SOX6: variants seen among roughly 807,000 people sequenced by gnomAD.
The protein encoded by SOX6 is SRY-box transcription factor 6.
A neutral mutation model predicts 97.8 loss-of-function variants in SOX6; 11 were observed. That is an observed-to-expected ratio of 0.11 (90% CI 0.07 to 0.19). The LOEUF (loss-of-function observed/expected upper bound fraction) is 0.19. Ranked by LOEUF, SOX6 falls within the 10% of genes least tolerant of loss-of-function variation. The pLI is 1.00. For missense variants in SOX6, 810 were observed against 1,039.5 expected, an observed-to-expected ratio of 0.78 and a Z score of 3.04; for synonymous variants, 360 against 371.4, an observed-to-expected ratio of 0.97 and a Z score of 0.35.
chr11:16,076,524 AG>A (rs1848356539), intron 9 of SOX6, among the ~76,000 whole-genome samples: 1 of 152,098 alleles, frequency 6.6e-6, no homozygotes, highest in Non-Finnish European at 1.5e-5. Flanking sequence ...CATCTGTATT[AG>A]TCCGTTCTCC....
intron 4 of SOX6, among the ~76,000 whole-genome samples, chr11:16,194,223 T>C (rs989402279): frequency 1.3e-5 from 2 of 152,160 alleles, no homozygotes; most frequent in African/African-American, 4.8e-5. Context: ...CCCTAGTGCA[T>C]CATAAAGATA....
At chr11:16,064,523 T>TATATATATATGAAGCC (rs1848044130) in intron 9 of SOX6, among the ~76,000 whole-genome samples, 1 of 136,560 alleles carries the variant, frequency 7.3e-6, no homozygotes, top group Admixed American at 6.9e-5. Context: ...GCCATACATA[T>TATATATATATGAAGCC]ATATATATAT....
intron 10 of SOX6, among the ~76,000 whole-genome samples, chr11:16,052,631 C>G (rs984990469): frequency 1.3e-5 from 2 of 152,020 alleles, no homozygotes; most frequent in Non-Finnish European, 2.9e-5. Context: ...GCTTTGCAAG[C>G]CTGATATTTA....
upstream of SOX6, among the ~76,000 whole-genome samples, chr11:16,478,299 T>C (rs140562230): frequency 9.0e-3 from 1,378 of 152,340 alleles, 21 homozygotes; most frequent in African/African-American, 0.032. Context: ...TACATCCTAT[T>C]CCTTCACTTC....
At chr11:16,594,319 C>T (rs767335821) in intron 4 of SOX6, among the ~76,000 whole-genome samples, 3 of 152,138 alleles carry the variant, frequency 2.0e-5, no homozygotes, top group Non-Finnish European at 4.4e-5. Flanking sequence ...TGTAAAATTA[C>T]ACAAACCTAT....
At chr11:16,269,036 C>T (rs1015053756) in intron 3 of SOX6, among the ~76,000 whole-genome samples, 1 of 143,048 alleles carries the variant, frequency 7.0e-6, no homozygotes, top group Non-Finnish European at 1.6e-5. Context: ...CAATATATTG[C>T]TTTTTTTTTT....
intron 6 of SOX6, among the ~76,000 whole-genome samples, chr11:16,132,401 A>AAAAAGAAAGAAAG (rs1849807867): frequency 2.3e-5 from 1 of 43,836 alleles, no homozygotes; most frequent in African/African-American, 1.1e-4. Flanking sequence ...AAAGAAAGAA[A>AAAAAGAAAGAAAG]AAAGAAAGAA....
chr11:16,602,086 G>A (rs1167682538), intron 4 of SOX6, among the ~76,000 whole-genome samples: 1 of 152,052 alleles, frequency 6.6e-6, no homozygotes, highest in Non-Finnish European at 1.5e-5. Flanking sequence ...TTTATATCAT[G>A]CTCCATAATA....
At chr11:16,311,426 A>G (rs1481094105) in intron 3 of SOX6, 1 of 152,180 alleles carries the variant, frequency 6.6e-6, no homozygotes, top group Non-Finnish European at 1.5e-5. Context: ...AAGCACAAAG[A>G]GATTAATTTG....
intron 3 of SOX6, among the ~76,000 whole-genome samples, chr11:16,620,123 T>C (rs770232719): frequency 6.6e-6 from 1 of 152,190 alleles, no homozygotes; most frequent in Non-Finnish European, 1.5e-5. Flanking sequence ...ACCAGTAGAC[T>C]TCTATTATCC....
chr11:16,696,288 C>T (rs2134038834), intron 3 of SOX6, among the ~76,000 whole-genome samples: 1 of 152,298 alleles, frequency 6.6e-6, no homozygotes, highest in Admixed American at 6.5e-5. Context: ...CTAATTAAGT[C>T]ATTAGATATA....
intron 1 of SOX6, among the ~76,000 whole-genome samples, chr11:16,451,696 C>T (rs187925544): frequency 5.3e-4 from 80 of 152,228 alleles, no homozygotes; most frequent in Non-Finnish European, 9.0e-4. Flanking sequence ...AGCAGTCCAT[C>T]ATTCTGGGTA....
chr11:16,598,187 A>G (rs1282953412), intron 4 of SOX6, among the ~76,000 whole-genome samples: 1 of 152,044 alleles, frequency 6.6e-6, no homozygotes, highest in Non-Finnish European at 1.5e-5. Context: ...ACCCTATGAT[A>G]TAGGTATTAT....
chr11:16,011,555 C>A (rs148990337), intron 13 of SOX6, among the ~76,000 whole-genome samples: 1 of 152,084 alleles, frequency 6.6e-6, no homozygotes, highest in Admixed American at 6.6e-5. Context: ...TCCACAGCTG[C>A]CTCTTTTGGT....
chr11:16,071,786 A>G (rs1163642682), intron 9 of SOX6, among the ~76,000 whole-genome samples: 1 of 152,138 alleles, frequency 6.6e-6, no homozygotes, highest in African/African-American at 2.4e-5. Flanking sequence ...AACACCTAAC[A>G]AAAGAAATGT....
intron 1 of SOX6, among the ~76,000 whole-genome samples, chr11:16,376,837 T>C (rs967287611): frequency 6.6e-6 from 1 of 151,916 alleles, no homozygotes; most frequent in African/African-American, 2.4e-5. Flanking sequence ...GCGTATATTT[T>C]TAAGGACTCA....
chr11:16,691,298 A>G (rs1848011328), intron 3 of SOX6, among the ~76,000 whole-genome samples: 1 of 152,222 alleles, frequency 6.6e-6, no homozygotes, highest in African/African-American at 2.4e-5. Context: ...AACTGCGGAC[A>G]CTGTCTTGTT....
rs1313132977 is a variant in SOX6, at chr11:16,160,421, T to C, written c.777+23465A>G. On this transcript the variant is annotated intron_variant, in intron 6 of 15. Transcript: ENST00000683767. ...GAAGCTGTATGTTTTACAGTATTTC[T>C]GTGGCTGGGAAGCAAGTGCATCCTT... is the stretch of plus-strand genomic sequence containing the variant. Among the ~76,000 whole-genome samples the C allele has an allele frequency of 2.0e-5, 3 of 152,202 alleles. No homozygotes were observed. In the East Asian group the frequency reaches 5.8e-4, roughly 29 times the overall value.
At chr11:16,395,518 A>T (rs1054514788) in intron 1 of SOX6, among the ~76,000 whole-genome samples, 1 of 151,806 alleles carries the variant, frequency 6.6e-6, no homozygotes, top group African/African-American at 2.4e-5. Flanking sequence ...AGAAACTGTC[A>T]CTAGACCAGT....
Sources: allele counts gnomAD v4.1 joint callset (sites outside exome capture counted in the v4.1 genomes callset), GRCh38; gene constraint gnomAD v4.1.1; transcripts MANE v1.5; gene names NCBI Gene and HGNC (gene_info 2026-07-23, HGNC 2026-07-21).